Variants in PTGFRN observed in about 807,000 individuals in gnomAD.
PTGFRN encodes prostaglandin F2 receptor negative regulator.
Under a neutral mutation model 83.2 loss-of-function variants are expected in PTGFRN, and 35 were observed. The observed-to-expected ratio is 0.42, with a 90% CI of 0.32 to 0.56. The LOEUF is 0.56. Ranked by LOEUF, PTGFRN falls within the 20% of genes least tolerant of loss-of-function variation. The pLI is 0.11. For missense variants in PTGFRN, 1,051 were observed against 1,179.5 expected (o/e 0.89, Z 1.60); for synonymous variants, 519 against 498.6 (o/e 1.04, Z -0.55).
rs374486687 is a variant in PTGFRN at position 116,941,724 on chromosome 1, G to A, written c.59G>A (p.Arg20Gln). ...TCTTTTATCATTGCAGCTCTTTGCC[G>A]AGGGCGTGTGGTGAGAGTCCCCACA... ...LLALLSLALC[R>Q]GRVVRVPTAT... The change falls in exon 2 of 9, where the codon CGA becomes CAA. Residue 20 changes from arginine to glutamine, a missense_variant. This residue lies in a region of PTGFRN where 127 missense variants were observed against 168.4 expected (regional missense o/e 0.75). Transcript: ENST00000393203. The surrounding 1 kb of genome is among the most constrained non-coding windows in gnomAD (Gnocchi z 5.0). 9 of 1,610,136 alleles carry A rather than the reference G, an allele frequency of 5.6e-6. No individual in the cohort carries two copies. The highest frequency in any genetic ancestry group is 1.3e-5 in the African/African-American group (1 of 74,860).
intron 7 of PTGFRN, among the ~76,000 whole-genome samples, chr1:116,981,723 C>T (rs1651324160): frequency 6.6e-6 from 1 of 152,234 alleles, no homozygotes; most frequent in South Asian, 2.1e-4. Context: ...TTCAGCACTG[C>T]CATTGTAGTG....
Position 116,923,705 on chromosome 1 carries a change from C to T in PTGFRN, c.49+13453C>T, listed in dbSNP as rs971524417. On this transcript the variant is annotated intron_variant, in intron 1 of 8. Coordinates refer to ENST00000393203, the MANE Select transcript of PTGFRN (RefSeq NM_020440.4). The surrounding 1 kb of genome is among the most constrained non-coding windows in gnomAD (Gnocchi z 4.0). ...TGCCTCGTGGCTGGGTTCATTCAAA[C>T]CATGGATCATCTGCTTGTCATCACT... is the stretch of plus-strand genomic sequence containing the variant. 1.3e-5 allele frequency among the ~76,000 whole-genome samples: 2 copies of T among 152,110 alleles called. No homozygotes were observed. Among genetic ancestry groups the T allele is most frequent in the African/African-American group, 4.8e-5 (2 of 41,412 alleles).
intron 7 of PTGFRN, among the ~76,000 whole-genome samples, chr1:116,982,920 G>C (rs1408179727): frequency 3.3e-5 from 5 of 152,186 alleles, no homozygotes; most frequent in African/African-American, 1.2e-4. Flanking sequence ...GCAGTGGCCA[G>C]AGGCCCAGCC....
chr1:116,928,896 C>T (rs553711102), intron 1 of PTGFRN, among the ~76,000 whole-genome samples: 2 of 152,208 alleles, frequency 1.3e-5, no homozygotes, highest in South Asian at 4.2e-4. Context: ...CCAAGTGACC[C>T]CAGGCAACCT....
intron 7 of PTGFRN, among the ~76,000 whole-genome samples, chr1:116,982,427 T>A (rs1020098494): frequency 6.6e-6 from 1 of 152,098 alleles, no homozygotes; most frequent in Admixed American, 6.6e-5. Flanking sequence ...CTGTGGGCTG[T>A]GAGGGAATGC....
Position 116,941,620 on chromosome 1 carries a change from A to G in PTGFRN, c.50-95A>G, listed in dbSNP as rs1161428688. On this transcript the variant is annotated intron_variant, in intron 1 of 8. Transcript: ENST00000393203. The surrounding 1 kb of genome is among the most constrained non-coding windows in gnomAD (Gnocchi z 5.0). ...GTAGTTTGGCTGTCACGTTTCTGCC[A>G]TGCCTGTGAGCAGGAGCATCCACAG... 2.0e-6 allele frequency: 3 copies of G among 1,476,386 alleles called. No individual in the cohort carries two copies. Among genetic ancestry groups the G allele is most frequent in the African/African-American group, 2.8e-5 (2 of 71,080 alleles). 91.5% of individuals were successfully genotyped at this position (1,476,386 alleles called of 1,614,324 possible). A position where few individuals can be genotyped will look rare whatever the true frequency, so the allele number is the denominator to read the frequency against.
At chr1:116,979,750 C>A (rs1007411875) in intron 7 of PTGFRN, among the ~76,000 whole-genome samples, 2 of 152,170 alleles carry the variant, frequency 1.3e-5, no homozygotes, top group Admixed American at 6.5e-5. Context: ...AAATGTTAGA[C>A]CTAAAACCAT....
At chr1:116,938,806 A>G (rs1435466096) in intron 1 of PTGFRN, among the ~76,000 whole-genome samples, 1 of 152,244 alleles carries the variant, frequency 6.6e-6, no homozygotes, top group Non-Finnish European at 1.5e-5. Context: ...CCTGTAAAAT[A>G]AAAAGTAGGT....
At chr1:116,969,916 A>C (rs965005455) in intron 6 of PTGFRN, among the ~76,000 whole-genome samples, 1 of 152,212 alleles carries the variant, frequency 6.6e-6, no homozygotes, top group African/African-American at 2.4e-5. Context: ...TCATAGAAGT[A>C]CAACTGGGTT....
rs1364924508 is a variant in PTGFRN, at chr1:116,945,003, T to C, written c.743T>C (p.Ile248Thr). ...GCCGACCAGGGCTCCTACAGGTGTA[T>C]CGTCAGCGAGTGGATCGCCGAGCAG... Reference protein sequence around the residue: ...LSADQGSYRCIVSEWIAEQGN... With the variant: ...LSADQGSYRCTVSEWIAEQGN... Residue 248 changes from isoleucine to threonine, a missense_variant, in exon 3 of 9, where the codon ATC becomes ACC. Physicochemically the swap from Ile to Thr is moderately conservative, Grantham distance 89. Coordinates refer to ENST00000393203, the MANE Select transcript of PTGFRN (RefSeq NM_020440.4). The C allele has an allele frequency of 6.2e-7, 1 of 1,613,830 alleles. No homozygotes were observed. Among genetic ancestry groups the C allele is most frequent in the Non-Finnish European group, 8.5e-7 (1 of 1,180,006 alleles).
chr1:116,966,810 T>A, intron 5 of PTGFRN, 101 bp from the exon 6 acceptor site: 3 of 1,304,406 alleles, frequency 2.3e-6, no homozygotes, highest in Non-Finnish European at 3.1e-6. Flanking sequence ...TGTGTGGCAA[T>A]TTGCAAATAC....
Position 116,961,331 on chromosome 1 carries a change from G to A in PTGFRN, c.1302G>A (p.Thr434=), listed in dbSNP as rs149255010. Reference sequence around the variant, plus strand: ...AGCTGGCATGCCGGGTGGTGGACACGAAGAGTGGGGAGGCGAATGTCCGAT... The same window carrying A: ...AGCTGGCATGCCGGGTGGTGGACACAAAGAGTGGGGAGGCGAATGTCCGAT... ...PTELACRVVD[T]KSGEANVRFT... The change falls in exon 5 of 9, where the codon ACG becomes ACA. Residue 434 remains threonine, a synonymous_variant. Coordinates refer to ENST00000393203, the MANE Select transcript of PTGFRN (RefSeq NM_020440.4). This position sits in a 1 kb window ranked among gnomAD's most constrained non-coding sequence, Gnocchi z 5.4. 9.3e-5 allele frequency: 146 copies of A among 1,573,106 alleles called. 2 individuals are homozygous for A. In the Admixed American group the frequency reaches 2.3e-3, roughly 24 times the overall value.
chr1:116,928,507 C>T (rs940380205), intron 1 of PTGFRN, among the ~76,000 whole-genome samples: 5 of 152,214 alleles, frequency 3.3e-5, no homozygotes, highest in Non-Finnish European at 5.9e-5. Context: ...CCAGACCTCA[C>T]ATTGTATTAC....
chr1:116,938,399 G>A (rs866485202), intron 1 of PTGFRN, among the ~76,000 whole-genome samples: 3 of 152,208 alleles, frequency 2.0e-5, no homozygotes, highest in Non-Finnish European at 4.4e-5. Flanking sequence ...CAATCGTGGC[G>A]GAAGGCAAGG....
Position 116,923,966 on chromosome 1 carries a change from C to T in PTGFRN, c.49+13714C>T, listed in dbSNP as rs1274191837. Among the ~76,000 whole-genome samples, 1 of 152,054 alleles carries T rather than the reference C, an allele frequency of 6.6e-6. No homozygotes were observed. Among genetic ancestry groups the T allele is most frequent in the African/African-American group, 2.4e-5 (1 of 41,394 alleles). ...GACACACACACAGGAAGAGAGGTGG[C>T]ATGGACGAAGTGTCATCCAAGGATT... On this transcript the variant is annotated intron_variant, in intron 1 of 8. Transcript: ENST00000393203. The surrounding 1 kb of genome is among the most constrained non-coding windows in gnomAD (Gnocchi z 4.0).
At chr1:116,931,997 A>G (rs2101057887) in intron 1 of PTGFRN, among the ~76,000 whole-genome samples, 1 of 152,310 alleles carries the variant, frequency 6.6e-6, no homozygotes, top group African/African-American at 2.4e-5. Flanking sequence ...TTATCTTACA[A>G]ATGGTTCAGA....
At chr1:116,985,025 CTT>C in intron 8 of PTGFRN, 40 bp downstream of exon 8, 1 of 767,678 alleles carries the variant, frequency 1.3e-6, no homozygotes, top group Non-Finnish European at 1.7e-6. Context: ...TTGGGAATGT[CTT>C]CTTCTTGTGC....
At chr1:116,970,188 A>G (rs1057143746) in intron 6 of PTGFRN, among the ~76,000 whole-genome samples, 2 of 152,206 alleles carry the variant, frequency 1.3e-5, no homozygotes, top group African/African-American at 4.8e-5. Context: ...ATAGGGGGAA[A>G]GCGTTCAGTC....
At chr1:116,962,248 G>A (rs1650685204) in intron 5 of PTGFRN, 1 of 152,668 alleles carries the variant, frequency 6.6e-6, no homozygotes, top group Non-Finnish European at 1.5e-5. Flanking sequence ...GAAGATGTTA[G>A]CGTTTGTTTC....
Sources: gnomAD v4.1 joint callset for allele counts (sites outside exome capture counted in the v4.1 genomes callset) on GRCh38, gnomAD v4.1.1 for gene constraint, gnomAD v4.1.1 regional missense constraint, Gnocchi (gnomAD v3.1) non-coding constraint, MANE v1.5 for transcripts, NCBI Gene and HGNC (gene_info 2026-07-23, HGNC 2026-07-21) for gene names.